The following HTR4 variants were observed in gnomAD, a reference collection of about 807,000 sequenced individuals.
HTR4 encodes 5-hydroxytryptamine (serotonin) receptor 4, G protein-coupled.
HTR4 carries 16 observed loss-of-function variants against 36.8 expected under a neutral mutation model. That is an observed-to-expected ratio of 0.43 (90% confidence interval 0.29 to 0.66). HTR4 has a LOEUF of 0.66. Ranked by LOEUF, HTR4 falls within the 30% of genes least tolerant of loss-of-function variation. HTR4 has a pLI of 0.13. For missense variants in HTR4, 438 were observed against 490.9 expected, an observed-to-expected ratio of 0.89 and a Z score of 1.02; for synonymous variants, 189 against 185.1, an observed-to-expected ratio of 1.02 and a Z score of -0.17.
intron 2 of HTR4, among the ~76,000 whole-genome samples, chr5:148,597,578 T>C (rs1038541647): frequency 6.6e-6 from 1 of 152,118 alleles, no homozygotes; most frequent in African/African-American, 2.4e-5. Flanking sequence ...TTCAATTGCT[T>C]CAAGGTGCCA....
At chr5:148,618,940 G>T (rs1459194942) in intron 2 of HTR4, among the ~76,000 whole-genome samples, 2 of 152,140 alleles carry the variant, frequency 1.3e-5, no homozygotes, top group African/African-American at 4.8e-5. Flanking sequence ...TTTCATTTTG[G>T]GTTGATTTAG....
chr5:148,532,285 T>C (rs1258812043), intron 4 of HTR4, among the ~76,000 whole-genome samples: 11 of 152,058 alleles, frequency 7.2e-5, no homozygotes, highest in Non-Finnish European at 7.4e-5. Flanking sequence ...AAGAAAATGA[T>C]CTAGGACAAG....
At chr5:148,458,460 G>A (rs990851223) in intron 5 of HTR4, among the ~76,000 whole-genome samples, 2 of 152,072 alleles carry the variant, frequency 1.3e-5, no homozygotes, top group African/African-American at 4.8e-5. Flanking sequence ...TGTAGTGTGA[G>A]AGACCACAGC....
chr5:148,578,576 A>G (rs1298589797), intron 2 of HTR4, among the ~76,000 whole-genome samples: 1 of 152,018 alleles, frequency 6.6e-6, no homozygotes, highest in African/African-American at 2.4e-5. Context: ...GAACTTAAGC[A>G]TTTTCTTTTT....
At chr5:148,493,108 A>G (rs1756534273) in intron 6 of HTR4, among the ~76,000 whole-genome samples, 1 of 152,194 alleles carries the variant, frequency 6.6e-6, no homozygotes, top group Non-Finnish European at 1.5e-5. Context: ...TGATGAGACC[A>G]TTGGTGTTCT....
rs535143978 is a variant in HTR4, at chr5:148,553,630, A to G, written c.27-3368T>C. Among the ~76,000 whole-genome samples, 17 of 152,352 alleles carry G rather than the reference A, an allele frequency of 1.1e-4. 1 individual carries two copies. The South Asian group carries it at 3.3e-3, about 30-fold the overall frequency. On this transcript the variant is annotated intron_variant, in intron 2 of 6. Transcript: ENST00000377888. ...CCGGTGTTGTTTTGTGTTCCCTGGC[A>G]CAGAAAGTGTTTAAGAATACCAGAA... is the stretch of plus-strand genomic sequence containing the variant.
At chr5:148,628,371 C>A (rs1227721580) in intron 2 of HTR4, 2 of 152,184 alleles carry the variant, frequency 1.3e-5, no homozygotes, top group Non-Finnish European at 2.9e-5. Flanking sequence ...TCAGTGAGAT[C>A]AGATAGGTCA....
At chr5:148,596,229 TTAC>T (rs1454388092) in intron 2 of HTR4, among the ~76,000 whole-genome samples, 1 of 152,206 alleles carries the variant, frequency 6.6e-6, no homozygotes, top group East Asian at 1.9e-4. Flanking sequence ...CGATAATATC[TTAC>T]TACTAGTCTC....
At chr5:148,497,972 G>A (rs1393555887) in intron 6 of HTR4, among the ~76,000 whole-genome samples, 8 of 152,082 alleles carry the variant, frequency 5.3e-5, no homozygotes, top group African/African-American at 1.2e-4. Flanking sequence ...TTTTGATCAC[G>A]GGTTGCATAT....
At chr5:148,650,193 T>C (rs538054016) in intron 1 of HTR4, among the ~76,000 whole-genome samples, 4 of 152,340 alleles carry the variant, frequency 2.6e-5, no homozygotes, top group East Asian at 1.9e-4. Flanking sequence ...CCAATTATTC[T>C]GTTGCTCATG....
chr5:148,468,899 G>A (rs906025956), intron 5 of HTR4, among the ~76,000 whole-genome samples: 2 of 152,062 alleles, frequency 1.3e-5, no homozygotes, highest in Non-Finnish European at 2.9e-5. Context: ...TTTTATAAGA[G>A]ACTTTTTCCC....
At chr5:148,584,153 T>C (rs995870837) in intron 2 of HTR4, among the ~76,000 whole-genome samples, 1 of 152,198 alleles carries the variant, frequency 6.6e-6, no homozygotes, top group Non-Finnish European at 1.5e-5. Flanking sequence ...CCCTTCATTC[T>C]CTCATTCTTT....
chr5:148,471,178 G>A (rs1032025405), intron 5 of HTR4, among the ~76,000 whole-genome samples: 2 of 152,142 alleles, frequency 1.3e-5, no homozygotes, highest in African/African-American at 4.8e-5. Context: ...TTATTACTGA[G>A]TTAGGGATAC....
At position 148,511,846 on chromosome 5, in the gene HTR4, T is replaced by C. The variant is rs117367700; in HGVS notation, c.508-1822A>G. ...ATTGTCAGTATGTAGTGGTATCTCA[T>C]TGTGGATTTGTTGATGATGTTGGTA... On this transcript the variant is annotated intron_variant, in intron 5 of 6. Transcript: ENST00000377888. 1.1e-4 allele frequency among the ~76,000 whole-genome samples: 17 copies of C among 152,302 alleles called. No homozygotes were observed. The East Asian group carries it at 2.1e-3, about 19-fold the overall frequency.
chr5:148,552,976 A>G (rs558061351), intron 2 of HTR4, among the ~76,000 whole-genome samples: 6 of 152,338 alleles, frequency 3.9e-5, no homozygotes, highest in Admixed American at 1.3e-4. Context: ...TTTCACCTAG[A>G]GAAAAGAAGG....
intron 2 of HTR4, among the ~76,000 whole-genome samples, chr5:148,617,700 T>C (rs1262165027): frequency 1.3e-5 from 2 of 151,998 alleles, no homozygotes; most frequent in African/African-American, 4.8e-5. Context: ...AACTCCTGAC[T>C]TTGTGATCTG....
chr5:148,549,118 C>G (rs17720637), intron 3 of HTR4, among the ~76,000 whole-genome samples: 1 of 152,052 alleles, frequency 6.6e-6, no homozygotes, highest in African/African-American at 2.4e-5. Context: ...TACCTTATAC[C>G]AAAACCTCTT....
intron 1 of HTR4, among the ~76,000 whole-genome samples, chr5:148,640,644 A>G (rs568145739): frequency 6.6e-6 from 1 of 152,302 alleles, no homozygotes; most frequent in African/African-American, 2.4e-5. Context: ...TGAATGTCCT[A>G]ATTACTAGAG....
At chr5:148,642,979 C>T (rs781449062) in intron 1 of HTR4, among the ~76,000 whole-genome samples, 1 of 151,968 alleles carries the variant, frequency 6.6e-6, no homozygotes, top group Non-Finnish European at 1.5e-5. Flanking sequence ...AAAAAAGAAG[C>T]CTTTTCACAT....
Sources: gnomAD v4.1 joint callset for allele counts (sites outside exome capture counted in the v4.1 genomes callset) on GRCh38, gnomAD v4.1.1 for gene constraint, MANE v1.5 for transcripts, NCBI Gene and HGNC (gene_info 2026-07-23, HGNC 2026-07-21) for gene names.